BDKRB2: variants seen among roughly 807,000 people sequenced by gnomAD.
The protein encoded by BDKRB2 is bradykinin receptor B2.
A neutral mutation model predicts 4.0 loss-of-function variants in BDKRB2; 6 were observed. That is an observed-to-expected ratio of 1.49 (90% CI 0.81 to 2.93). BDKRB2 has a LOEUF of 2.93. BDKRB2 is among the 30% of genes most tolerant of loss of function. The pLI is 0.00. For synonymous variants in BDKRB2, 225 were observed against 215.3 expected (o/e 1.05, Z -0.40); for missense variants, 478 against 520.1 (o/e 0.92, Z 0.79).
rs535355907 is a variant in BDKRB2, at chr14:96,243,902, C to T, written c.*2398C>T. 8 of 344,228 alleles carry T rather than the reference C, an allele frequency of 2.3e-5. No homozygotes were observed. The highest frequency in any genetic ancestry group is 2.6e-5 in the Non-Finnish European group (5 of 192,816). The allele number at this position is 344,228 out of a possible 1,614,324, so 21.3% of individuals were successfully genotyped here. A position where few individuals can be genotyped will look rare whatever the true frequency, so the allele number is the denominator to read the frequency against. On this transcript the variant is annotated 3_prime_UTR_variant, in exon 3 of 3. Coordinates refer to ENST00000554311, the MANE Select transcript of BDKRB2 (RefSeq NM_001379692.1). ...AGGGCAGTCATTCAGCACCAGAGCA[C>T]GTGATGGTCTGAGACTCTCTTAGGA...
At chr14:96,227,620 CACACACACAT>C (rs1566692369) in intron 1 of BDKRB2, among the ~76,000 whole-genome samples, 2 of 151,670 alleles carry the variant, frequency 1.3e-5, no homozygotes, top group Non-Finnish European at 3.0e-5. Context: ...CACACACAAA[CACACACACAT>C]ATATACACAC....
chr14:96,240,088 A>C (rs1595265664), intron 2 of BDKRB2: 1 of 1,087,668 alleles, frequency 9.2e-7, no homozygotes. Context: ...CCATCACGGA[A>C]GCTTCAAGGA....
intron 1 of BDKRB2, 31 bp from the exon 2 acceptor site, chr14:96,237,038 G>C: frequency 7.6e-7 from 1 of 1,317,156 alleles, no homozygotes; most frequent in Non-Finnish European, 1.1e-6. Context: ...CAGCCCCTGT[G>C]CCATCTAACC....
intron 1 of BDKRB2, among the ~76,000 whole-genome samples, chr14:96,231,873 C>T (rs1319342471): frequency 1.3e-5 from 2 of 152,216 alleles, no homozygotes; most frequent in African/African-American, 4.8e-5. Context: ...ATGTGCTCAG[C>T]TGCCACTGAG....
chr14:96,205,849 G>A lies in BDKRB2; in HGVS notation c.-40+890G>A, dbSNP rs954524292. 5.3e-5 allele frequency among the ~76,000 whole-genome samples: 8 copies of A among 152,168 alleles called. No homozygotes were observed. The South Asian group carries it at 6.2e-4, about 12-fold the overall frequency. On this transcript the variant is annotated intron_variant, in intron 1 of 2. Transcript: ENST00000554311. ...TGATTCGAGTTGCTGAGAGTAGGTC[G>A]TTTCCGCAGCCTGGGTGGAGGTGAA... is the stretch of plus-strand genomic sequence containing the variant.
At chr14:96,205,427 C>T (rs1159850604) in intron 1 of BDKRB2, among the ~76,000 whole-genome samples, 1 of 149,640 alleles carries the variant, frequency 6.7e-6, no homozygotes, top group Non-Finnish European at 1.5e-5. Context: ...GTTTCTCTGT[C>T]TGCAAAGCAG....
In BDKRB2 at chr14:96,240,675, C is replaced by T. The variant is rs748250276; in HGVS notation, c.347C>T (p.Thr116Ile). The change falls in exon 3 of 3, where the codon ACC becomes ATC. Residue 116 changes from threonine (T) to isoleucine (I), a missense_variant. Coordinates refer to ENST00000554311, the MANE Select transcript of BDKRB2 (RefSeq NM_001379692.1). The stretch of plus-strand genomic sequence containing the variant: ...TGCGGGCTGCCCTTCTGGGCCATCA[C>T]CATCTCCAACAACTTCGACTGGCTC... ...LACGLPFWAITISNNFDWLFG... is the reference protein window; with the variant it reads ...LACGLPFWAIIISNNFDWLFG... 6.3e-7 allele frequency: 1 copy of T among 1,591,118 alleles called. No individual in the cohort carries two copies. The highest frequency in any genetic ancestry group is 8.5e-7 in the Non-Finnish European group (1 of 1,170,216).
chr14:96,237,758 G>C (rs1271980112), intron 2 of BDKRB2: 2 of 1,289,782 alleles, frequency 1.6e-6, no homozygotes. Context: ...ATCTCAGCTG[G>C]GGCCACAGTG....
At chr14:96,219,206 G>T (rs1414572469) in intron 1 of BDKRB2, among the ~76,000 whole-genome samples, 2 of 151,900 alleles carry the variant, frequency 1.3e-5, no homozygotes, top group African/African-American at 4.8e-5. Flanking sequence ...GAAGGCTGAG[G>T]CAGGAGAATC....
intron 1 of BDKRB2, among the ~76,000 whole-genome samples, chr14:96,226,353 T>C (rs1890697502): frequency 6.6e-6 from 1 of 152,144 alleles, no homozygotes; most frequent in South Asian, 2.1e-4. Context: ...GTAGGACGAT[T>C]TTAAAAAGCA....
intron 1 of BDKRB2, chr14:96,234,051 A>C (rs1890877852): frequency 6.6e-6 from 1 of 152,138 alleles, no homozygotes; most frequent in Non-Finnish European, 1.5e-5. Flanking sequence ...AGAGATGGAG[A>C]TCCCACAGAC....
chr14:96,207,233 G>A (rs533208762), intron 1 of BDKRB2, among the ~76,000 whole-genome samples: 3 of 152,086 alleles, frequency 2.0e-5, no homozygotes, highest in Non-Finnish European at 4.4e-5. Context: ...AGCCCAACAT[G>A]GATGGATCAG....
intron 1 of BDKRB2, among the ~76,000 whole-genome samples, chr14:96,232,732 G>T (rs148044990): frequency 2.6e-5 from 4 of 152,152 alleles, no homozygotes; most frequent in Non-Finnish European, 4.4e-5. Flanking sequence ...ACGCTGAGAC[G>T]TTCTTGTTGG....
At position 96,204,892 on chromosome 14, in the gene BDKRB2, G is replaced by A. The variant is rs2139759938; in HGVS notation, c.-107G>A. ...GAGGGGTGGGGACGGTGGGGACGGT[G>A]GGGACATCAGGCTGCCCCGCAGTAC... On this transcript the variant is annotated 5_prime_UTR_variant, in exon 1 of 3. Coordinates refer to ENST00000554311, the MANE Select transcript of BDKRB2 (RefSeq NM_001379692.1). 3 of 256,334 alleles carry A rather than the reference G, an allele frequency of 1.2e-5. No individual in the cohort carries two copies. Among genetic ancestry groups the A allele is most frequent in the South Asian group, 1.0e-4 (3 of 29,480 alleles). 15.9% of individuals were successfully genotyped at this position (256,334 alleles called of 1,614,324 possible). A position where few individuals can be genotyped will look rare whatever the true frequency, so the allele number is the denominator to read the frequency against.
intron 1 of BDKRB2, among the ~76,000 whole-genome samples, chr14:96,218,858 G>T (rs1410242540): frequency 6.6e-6 from 1 of 151,998 alleles, no homozygotes; most frequent in Non-Finnish European, 1.5e-5. Flanking sequence ...GACGGAGGTT[G>T]CAGTGAGCCA....
intron 1 of BDKRB2, among the ~76,000 whole-genome samples, chr14:96,232,919 G>T (rs1204396256): frequency 1.3e-5 from 2 of 152,122 alleles, no homozygotes; most frequent in African/African-American, 2.4e-5. Context: ...TTGGTTGGGG[G>T]CCCTGAAACA....
rs778592206 is a variant in BDKRB2 at position 96,241,377 on chromosome 14, T to G, written c.1049T>G (p.Val350Gly). The change falls in exon 3 of 3, where the codon GTG becomes GGG. Residue 350 changes from valine to glycine, a missense_variant. Physicochemically the swap from Val to Gly is moderately radical, Grantham distance 109 (BLOSUM62 -3). Coordinates refer to ENST00000554311, the MANE Select transcript of BDKRB2 (RefSeq NM_001379692.1). ...RKKSWEVYQGVCQKGGCRSEP... is the reference protein window; with the variant it reads ...RKKSWEVYQGGCQKGGCRSEP... ...AAGTCTTGGGAGGTGTACCAGGGAG[T>G]GTGCCAGAAAGGGGGCTGCAGGTCA... The G allele has an allele frequency of 2.3e-5, 37 of 1,613,316 alleles. No individual in the cohort carries two copies. Among genetic ancestry groups the G allele is most frequent in the Non-Finnish European group, 1.5e-5 (18 of 1,179,966 alleles).
intron 1 of BDKRB2, among the ~76,000 whole-genome samples, chr14:96,214,445 G>A (rs894635904): frequency 2.0e-5 from 3 of 152,172 alleles, no homozygotes; most frequent in East Asian, 1.9e-4. Context: ...CCCTCCTGCC[G>A]GGGACAATGC....
chr14:96,230,588 C>T (rs1043704481), intron 1 of BDKRB2, among the ~76,000 whole-genome samples: 23 of 141,512 alleles, frequency 1.6e-4, no homozygotes, highest in African/African-American at 6.1e-4. Flanking sequence ...AGAGACGGGG[C>T]TTAATATTAG....
Sources: gnomAD v4.1 joint callset for allele counts (sites outside exome capture counted in the v4.1 genomes callset) on GRCh38, gnomAD v4.1.1 for gene constraint, MANE v1.5 for transcripts, NCBI Gene and HGNC (gene_info 2026-07-23, HGNC 2026-07-21) for gene names.